Variants in RBPMS2 observed in about 807,000 individuals in gnomAD.
RBPMS2 encodes the protein RNA-binding protein with multiple splicing 2.
RBPMS2 carries 14 observed loss-of-function variants against 25.7 expected under a neutral mutation model. That is an observed-to-expected ratio of 0.55 (90% confidence interval 0.36 to 0.85). RBPMS2 has a LOEUF of 0.85. RBPMS2 is among the 40% of genes least tolerant of loss of function. The probability of loss-of-function intolerance (pLI) is 0.01; values close to 1 mark genes in which losing one functional copy is unlikely to be tolerated. For synonymous variants in RBPMS2, 127 were observed against 115.6 expected, an observed-to-expected ratio of 1.10 and a Z score of -0.63; for missense variants, 252 against 283.4, an observed-to-expected ratio of 0.89 and a Z score of 0.80.
In RBPMS2 at chr15:64,749,593, T is replaced by C. The variant is rs2083655872; in HGVS notation, c.205-100A>G. The C allele has an allele frequency of 1.0e-5, 11 of 1,066,346 alleles. 1 individual carries two copies. The Middle Eastern group carries it at 2.2e-3, about 210-fold the overall frequency. 66.1% of individuals were successfully genotyped at this position (1,066,346 alleles called of 1,614,324 possible). ...AAGAGTATCATCTATGTGGAAACAG[T>C]ATTTGCCCTGCTGATGAGAATACAA... On this transcript the variant is annotated intron_variant, in intron 3 of 7. Transcript: ENST00000300069.
At chr15:64,762,566 G>GTA in intron 1 of RBPMS2, 1 of 528,398 alleles carries the variant, frequency 1.9e-6, no homozygotes, top group South Asian at 1.4e-5. Context: ...TGCACTCAGG[G>GTA]TCCAGCTCAG....
intron 3 of RBPMS2, among the ~76,000 whole-genome samples, chr15:64,749,882 G>A (rs1208096182): frequency 1.3e-5 from 2 of 152,178 alleles, no homozygotes; most frequent in African/African-American, 2.4e-5. Flanking sequence ...GGAAGACTCC[G>A]GTTCTATCAA....
intron 1 of RBPMS2, among the ~76,000 whole-genome samples, chr15:64,761,789 ACCTCCG>A (rs2083790504): frequency 8.0e-6 from 1 of 125,390 alleles, no homozygotes; most frequent in Admixed American, 1.1e-4. Context: ...TGCAACCTCC[ACCTCCG>A]CCTCCTGGGT....
At chr15:64,749,317 C>T (rs1595786605) in intron 4 of RBPMS2, 114 bp downstream of exon 4, 2 of 1,311,794 alleles carry the variant, frequency 1.5e-6, no homozygotes, top group East Asian at 4.6e-5. Context: ...GCCTTTGGCA[C>T]AGACAGTGTC....
chr15:64,741,063 G>C, intron 7 of RBPMS2, 63 bp from the exon 8 acceptor site: 3 of 793,704 alleles, frequency 3.8e-6, no homozygotes, highest in Non-Finnish European at 6.2e-6. Context: ...AGCCAGGCCT[G>C]CTCTGGGCTC....
chr15:64,770,712 G>A (rs1056729416), intron 1 of RBPMS2, among the ~76,000 whole-genome samples: 2 of 152,058 alleles, frequency 1.3e-5, no homozygotes, highest in African/African-American at 4.8e-5. Flanking sequence ...GAAAAGGGAG[G>A]TGCCCAAATA....
intron 1 of RBPMS2, among the ~76,000 whole-genome samples, chr15:64,773,159 G>C (rs2083904118): frequency 6.6e-6 from 1 of 152,198 alleles, no homozygotes; most frequent in South Asian, 2.1e-4. Context: ...CACTGCTAAC[G>C]CTGATTCTCC....
chr15:64,746,392 T>C (rs2083618159), intron 6 of RBPMS2, among the ~76,000 whole-genome samples: 1 of 152,122 alleles, frequency 6.6e-6, no homozygotes, highest in Non-Finnish European at 1.5e-5. Context: ...ATCACAACCA[T>C]CTGCACTTTC....
Position 64,751,608 on chromosome 15 carries a change from C to T in RBPMS2, c.118G>A (p.Val40Met), listed in dbSNP as rs1414052266. The stretch of plus-strand genomic sequence containing the variant: ...TAGAGTTCTCTGGGTTTAATGTCCA[C>T]AGGGAGGCCGCTGACAAACAGTGTC... ...VRTLFVSGLP[V>M]DIKPRELYLL... The change falls in exon 2 of 8, where the codon GTG becomes ATG. Residue 40 changes from valine (V) to methionine (M), a missense_variant. Physicochemically the swap from Val to Met is conservative, Grantham distance 21. Coordinates refer to ENST00000300069, the MANE Select transcript of RBPMS2 (RefSeq NM_194272.3). 1 of 1,614,016 alleles carries T rather than the reference C, an allele frequency of 6.2e-7. No homozygotes were observed. Among genetic ancestry groups the T allele is most frequent in the South Asian group, 1.1e-5 (1 of 91,084 alleles).
chr15:64,751,940 A>G (rs2083685743), intron 1 of RBPMS2, among the ~76,000 whole-genome samples: 1 of 151,546 alleles, frequency 6.6e-6, no homozygotes, highest in Non-Finnish European at 1.5e-5. Context: ...ATAAGGGTAC[A>G]AACCCAGCCC....
chr15:64,746,422 A>G (rs906491472), intron 6 of RBPMS2, among the ~76,000 whole-genome samples: 2 of 152,234 alleles, frequency 1.3e-5, no homozygotes, highest in Non-Finnish European at 2.9e-5. Context: ...CCTCCATGCC[A>G]TCACGCGACT....
chr15:64,769,461 CA>C (rs1251946486), intron 1 of RBPMS2, among the ~76,000 whole-genome samples: 1 of 148,848 alleles, frequency 6.7e-6, no homozygotes, highest in Non-Finnish European at 1.5e-5. Context: ...AAATAAAATC[CA>C]TCCTGGCTAA....
At chr15:64,764,968 T>C (rs969773234) in intron 1 of RBPMS2, among the ~76,000 whole-genome samples, 4 of 148,638 alleles carry the variant, frequency 2.7e-5, no homozygotes, top group Admixed American at 2.7e-4. Flanking sequence ...GGCTCACGCC[T>C]GTAATCCCAG....
At chr15:64,758,107 A>G (rs1348188682) in intron 1 of RBPMS2, among the ~76,000 whole-genome samples, 2 of 152,224 alleles carry the variant, frequency 1.3e-5, no homozygotes, top group Admixed American at 6.5e-5. Flanking sequence ...TTATTACAAG[A>G]ATTCAGCACA....
chr15:64,774,952 G>A (rs1039660380), intron 1 of RBPMS2, among the ~76,000 whole-genome samples: 1 of 150,956 alleles, frequency 6.6e-6, no homozygotes, highest in Non-Finnish European at 1.5e-5. Context: ...CGGACGCGGC[G>A]CATCTCGCCC....
At chr15:64,744,794 T>TTTGG (rs2083601199) in intron 6 of RBPMS2, among the ~76,000 whole-genome samples, 22 of 43,564 alleles carry the variant, frequency 5.1e-4, no homozygotes, top group South Asian at 1.6e-3. Context: ...TTTTGGTTTG[T>TTTGG]TTTGTTTTTT....
Position 64,740,757 on chromosome 15 carries a change from C to G in RBPMS2, c.*251G>C, listed in dbSNP as rs1195569096. The G allele has an allele frequency of 6.2e-6, 1 of 160,872 alleles. No individual in the cohort carries two copies. The highest frequency in any genetic ancestry group is 1.4e-5 in the Non-Finnish European group (1 of 72,824). The allele number at this position is 160,872 out of a possible 1,614,324, so 10.0% of individuals were successfully genotyped here. ...TCCCAGTGAGGCCTCCGAGCTGGATCTGGGCGCCCCAGGGAGAAAGTCCCC... is the reference window on the plus strand; with the variant it reads ...TCCCAGTGAGGCCTCCGAGCTGGATGTGGGCGCCCCAGGGAGAAAGTCCCC... On this transcript the variant is annotated 3_prime_UTR_variant, in exon 8 of 8. Coordinates refer to ENST00000300069, the MANE Select transcript of RBPMS2 (RefSeq NM_194272.3).
chr15:64,767,356 G>A (rs2083855935), intron 1 of RBPMS2, among the ~76,000 whole-genome samples: 1 of 152,052 alleles, frequency 6.6e-6, no homozygotes, highest in South Asian at 2.1e-4. Flanking sequence ...TGGCAGCCAT[G>A]GGCGGAAGAC....
intron 6 of RBPMS2, among the ~76,000 whole-genome samples, chr15:64,744,793 GTTTTGTTTTTTTTTTT>G (rs2083600744): frequency 1.7e-5 from 1 of 57,796 alleles, no homozygotes; most frequent in African/African-American, 8.7e-5. Context: ...TTTTTGGTTT[GTTTTGTTTTTTTTTTT>G]TTTTTTTTTT....
Sources: allele counts gnomAD v4.1 joint callset (sites outside exome capture counted in the v4.1 genomes callset), GRCh38; gene constraint gnomAD v4.1.1; transcripts MANE v1.5; gene names NCBI Gene and HGNC (gene_info 2026-07-23, HGNC 2026-07-21).